The following MYO7B variants were observed in gnomAD, a reference collection of about 807,000 sequenced individuals.
MYO7B encodes the protein unconventional myosin-VIIb.
MYO7B carries 212 observed loss-of-function variants against 259.7 expected under a neutral mutation model. The ratio of observed to expected loss-of-function variants is 0.82; its 90% CI spans 0.73 to 0.91. The LOEUF is 0.91. MYO7B is among the 40% of genes least tolerant of loss of function. The pLI, the probability that MYO7B is intolerant of heterozygous loss-of-function variation, is 0.00. For missense variants in MYO7B, 2,732 were observed against 2,813.5 expected (o/e 0.97, Z 0.66); for synonymous variants, 1,197 against 1,166.4 (o/e 1.03, Z -0.54).
chr2:127,600,841 C>T (rs1382921308), intron 19 of MYO7B, among the ~76,000 whole-genome samples: 1 of 151,894 alleles, frequency 6.6e-6, no homozygotes, highest in African/African-American at 2.4e-5. Flanking sequence ...TATTTTCATC[C>T]TTCCAAAATA....
In MYO7B at chr2:127,576,820, T is replaced by A; in HGVS notation, c.849+112T>A. The A allele has an allele frequency of 2.8e-6, 2 of 724,444 alleles. No homozygotes were observed. Among genetic ancestry groups the A allele is most frequent in the Non-Finnish European group, 4.4e-6 (2 of 452,378 alleles). 44.9% of individuals were successfully genotyped at this position (724,444 alleles called of 1,614,324 possible). A position where few individuals can be genotyped will look rare whatever the true frequency, so the allele number is the denominator to read the frequency against. On this transcript the variant is annotated intron_variant, in intron 8 of 47. Coordinates refer to ENST00000409816, the MANE Select transcript of MYO7B (RefSeq NM_001393586.1). The surrounding 1 kb of genome is among the most constrained non-coding windows in gnomAD (Gnocchi z 4.9). ...AGAAGCCCAACGCTGGCCGGGCCCC[T>A]GAGGCGGGGCTGGTTCCCTTTGCCT...
intron 2 of MYO7B, among the ~76,000 whole-genome samples, chr2:127,562,172 T>C (rs1678116334): frequency 6.6e-6 from 1 of 152,210 alleles, no homozygotes; most frequent in African/African-American, 2.4e-5. Flanking sequence ...AATATGGTCA[T>C]GTCAGGAATT....
rs914664592 is a variant in MYO7B, at chr2:127,577,449, C to T, written c.850-684C>T. Among the ~76,000 whole-genome samples, 19 of 152,150 alleles carry T rather than the reference C, an allele frequency of 1.2e-4. 1 individual carries two copies. The highest frequency in any genetic ancestry group is 4.6e-4 in the African/African-American group (19 of 41,418). On this transcript the variant is annotated intron_variant, in intron 8 of 47. Coordinates refer to ENST00000409816, the MANE Select transcript of MYO7B (RefSeq NM_001393586.1). This position sits in a 1 kb window ranked among gnomAD's most constrained non-coding sequence, Gnocchi z 5.2. Reference sequence around the variant, plus strand: ...GATGGCACTGCTGCAGTGACCCCTGCGGCTTGTAGGGTAGAAGTCCAAACT... The same window carrying T: ...GATGGCACTGCTGCAGTGACCCCTGTGGCTTGTAGGGTAGAAGTCCAAACT...
At position 127,559,695 on chromosome 2, in the gene MYO7B, T is replaced by A. The variant is rs774071718; in HGVS notation, c.-23-5T>A. On this transcript the variant is annotated splice_polypyrimidine_tract_variant and splice_region_variant and intron_variant, in intron 1 of 47. Transcript: ENST00000409816. The surrounding 1 kb of genome is among the most constrained non-coding windows in gnomAD (Gnocchi z 4.1). ...GCTGACGTTCTGCTTTCTCTCTCCA[T>A]ACAGGCTTGTGGAACTGCTGACTCA... 3.1e-6 allele frequency: 5 copies of A among 1,613,932 alleles called. No individual in the cohort carries two copies. Among genetic ancestry groups the A allele is most frequent in the Non-Finnish European group, 4.2e-6 (5 of 1,179,824 alleles).
chr2:127,567,237 C>G (rs1475913898), intron 5 of MYO7B, among the ~76,000 whole-genome samples: 1 of 152,008 alleles, frequency 6.6e-6, no homozygotes, highest in African/African-American at 2.4e-5. Context: ...GACCCTCTCT[C>G]TGTAAAAATA....
chr2:127,631,513 C>T, intron 37 of MYO7B, 87 bp from the exon 38 acceptor site: 1 of 1,538,360 alleles, frequency 6.5e-7, no homozygotes. Context: ...ACATGGCTCA[C>T]CGCAGGGCCG....
intron 30 of MYO7B, 104 bp from the exon 31 acceptor site, chr2:127,625,264 C>T: frequency 4.5e-6 from 6 of 1,323,174 alleles, no homozygotes; most frequent in Non-Finnish European, 6.0e-6. Context: ...AGGTTAGCTC[C>T]CCTGTGATGG....
rs1432985387 is a variant in MYO7B at position 127,637,069 on chromosome 2, C to T, written c.6327+156C>T. ...ATCTGGAGAGGGCCTGGGTGCATCC[C>T]CAGGACCAGCAGCCAAGGTGGCAAG... is the stretch of plus-strand genomic sequence containing the variant. On this transcript the variant is annotated intron_variant, in intron 47 of 47. Transcript: ENST00000409816. 15 of 1,332,506 alleles carry T rather than the reference C, an allele frequency of 1.1e-5. No individual in the cohort carries two copies. In the Admixed American group the frequency reaches 3.0e-4, roughly 26 times the overall value. 82.5% of individuals were successfully genotyped at this position (1,332,506 alleles called of 1,614,324 possible).
Position 127,628,964 on chromosome 2 carries a change from C to T in MYO7B, c.4624+429C>T, listed in dbSNP as rs1227435155. On this transcript the variant is annotated intron_variant, in intron 34 of 47. Transcript: ENST00000409816. This position sits in a 1 kb window ranked among gnomAD's most constrained non-coding sequence, Gnocchi z 4.8. ...GTCACACAGCTCAAGGGGGTGGGAGCCTAGTTCTTGGCCACAGCTCTCCCA... is the reference window on the plus strand; with the variant it reads ...GTCACACAGCTCAAGGGGGTGGGAGTCTAGTTCTTGGCCACAGCTCTCCCA... Among the ~76,000 whole-genome samples, 5 of 152,228 alleles carry T rather than the reference C, an allele frequency of 3.3e-5. No homozygotes were observed. The highest frequency in any genetic ancestry group is 1.3e-4 in the Admixed American group (2 of 15,286).
At chr2:127,605,809 T>G in intron 19 of MYO7B, 35 bp from the exon 20 acceptor site, 2 of 1,594,022 alleles carry the variant, frequency 1.3e-6, no homozygotes, top group Non-Finnish European at 1.7e-6. Flanking sequence ...CCATCTGGGA[T>G]TGTTACATGT....
In MYO7B at chr2:127,577,875, C is replaced by T. The variant is rs117684652; in HGVS notation, c.850-258C>T. On this transcript the variant is annotated intron_variant, in intron 8 of 47. Coordinates refer to ENST00000409816, the MANE Select transcript of MYO7B (RefSeq NM_001393586.1). The surrounding 1 kb of genome is among the most constrained non-coding windows in gnomAD (Gnocchi z 5.2). ...GAGACAAGGCAAGCTCGAGTAGGGA[C>T]GAACGACAAATAGAGGATCAGAGAA... Among the ~76,000 whole-genome samples, 215 of 152,208 alleles carry T rather than the reference C, an allele frequency of 1.4e-3. 3 individuals carry two copies. In the East Asian group the frequency reaches 0.036, roughly 25 times the overall value.
At chr2:127,562,293 TTTA>T (rs1678121763) in intron 2 of MYO7B, among the ~76,000 whole-genome samples, 1 of 152,020 alleles carries the variant, frequency 6.6e-6, no homozygotes, top group Non-Finnish European at 1.5e-5. Flanking sequence ...CTAATTTTAT[TTTA>T]TTTTTTATTT....
chr2:127,573,382 C>T (rs1254281327), intron 6 of MYO7B, among the ~76,000 whole-genome samples: 1 of 152,186 alleles, frequency 6.6e-6, no homozygotes, highest in East Asian at 1.9e-4. Flanking sequence ...CATCAGAAAA[C>T]TTGCAGAAAC....
At position 127,636,980 on chromosome 2, in the gene MYO7B, C is replaced by T. The variant is rs531206300; in HGVS notation, c.6327+67C>T. ...GAGCTGCTGGAGACTGGGTTCCCCA[C>T]CCTCACCCCTTTCAAGTGGCTCACT... On this transcript the variant is annotated intron_variant, in intron 47 of 47. Transcript: ENST00000409816. This position sits in a 1 kb window ranked among gnomAD's most constrained non-coding sequence, Gnocchi z 4.5. 2.1e-4 allele frequency: 333 copies of T among 1,592,168 alleles called. 1 individual carries two copies. Among genetic ancestry groups the T allele is most frequent in the Middle Eastern group, 1.7e-3 (10 of 6,046 alleles).
intron 2 of MYO7B, among the ~76,000 whole-genome samples, chr2:127,562,194 A>T (rs1678117186): frequency 6.6e-6 from 1 of 152,170 alleles, no homozygotes; most frequent in African/African-American, 2.4e-5. Flanking sequence ...GGGCTTCACT[A>T]TATGAATTCT....
At chr2:127,593,453 G>C (rs1469004300) in intron 17 of MYO7B, 93 bp from the exon 18 acceptor site, 1 of 1,251,270 alleles carries the variant, frequency 8.0e-7, no homozygotes, top group East Asian at 2.4e-5. Context: ...TGATGGGGGA[G>C]CCTGTGGGAG....
intron 15 of MYO7B, 107 bp from the exon 16 acceptor site, chr2:127,589,985 C>A: frequency 7.8e-7 from 1 of 1,285,676 alleles, no homozygotes; most frequent in Non-Finnish European, 1.1e-6. Flanking sequence ...GGTAGATGCA[C>A]CACCCCACCT....
chr2:127,626,743 C>T (rs1293698122), intron 31 of MYO7B: 8 of 457,278 alleles, frequency 1.7e-5, no homozygotes, highest in Middle Eastern at 6.0e-4. Flanking sequence ...CGCACCACTG[C>T]ACTCCAGCCT....
At chr2:127,538,680 C>G (rs1022277294) in intron 1 of MYO7B, among the ~76,000 whole-genome samples, 1 of 152,064 alleles carries the variant, frequency 6.6e-6, no homozygotes, top group African/African-American at 2.4e-5. Context: ...ATTCTTCCCC[C>G]TCAGCCTCCC....
Sources: gnomAD v4.1 joint callset for allele counts (sites outside exome capture counted in the v4.1 genomes callset) on GRCh38, gnomAD v4.1.1 for gene constraint, Gnocchi (gnomAD v3.1) non-coding constraint, MANE v1.5 for transcripts, NCBI Gene and HGNC (gene_info 2026-07-23, HGNC 2026-07-21) for gene names.